The following OXR1 variants were observed in gnomAD, a reference collection of about 807,000 sequenced individuals.
OXR1 encodes oxidation resistance 1.
OXR1 carries 41 observed loss-of-function variants against 104.6 expected under a neutral mutation model. That is an observed-to-expected ratio of 0.39 (90% CI 0.31 to 0.51). The LOEUF (loss-of-function observed/expected upper bound fraction) is 0.51, where lower values mean the gene tolerates loss of function less well. Among genes scored for constraint, OXR1 ranks in the 20% least tolerant of loss-of-function variants. The pLI is 0.77. For missense variants in OXR1, 955 were observed against 1,031.9 expected, an observed-to-expected ratio of 0.93 and a Z score of 1.02; for synonymous variants, 348 against 348.4, an observed-to-expected ratio of 1.00 and a Z score of 0.01.
chr8:106,306,130 A>G (rs796177510), intron 1 of OXR1, among the ~76,000 whole-genome samples: 5 of 152,080 alleles, frequency 3.3e-5, no homozygotes, highest in African/African-American at 9.6e-5. Context: ...CATTAGTTTA[A>G]GTTGCACTGA....
At chr8:106,563,340 C>A (rs1816831174) in intron 3 of OXR1, among the ~76,000 whole-genome samples, 1 of 151,308 alleles carries the variant, frequency 6.6e-6, no homozygotes, top group Non-Finnish European at 1.5e-5. Context: ...GGTTGCTATC[C>A]TAGTCTCTGG....
intron 2 of OXR1, among the ~76,000 whole-genome samples, chr8:106,475,964 C>T (rs1821786119): frequency 6.7e-6 from 1 of 150,228 alleles, no homozygotes; most frequent in Non-Finnish European, 1.5e-5. Context: ...TAGAGTTGTG[C>T]ACACCCTCTG....
In OXR1 at chr8:106,379,256, G is replaced by C. The variant is rs72678542; in HGVS notation, c.23+19620G>C. 7.1e-3 allele frequency among the ~76,000 whole-genome samples: 1,083 copies of C among 152,252 alleles called. 6 individuals are homozygous for C. Among genetic ancestry groups the C allele is most frequent in the Non-Finnish European group, 0.012 (809 of 68,014 alleles). On this transcript the variant is annotated intron_variant, in intron 2 of 16. Transcript: ENST00000517566. ...GCATGTTCAAGTTTAAGAGCAGATG[G>C]TATAAAATTATCACTCTAGAGTCTA...
chr8:106,734,786 G>T (rs564238732), intron 11 of OXR1, among the ~76,000 whole-genome samples: 131 of 152,168 alleles, frequency 8.6e-4, no homozygotes, highest in Non-Finnish European at 1.6e-3. Flanking sequence ...CTTTGTCAAA[G>T]ACTGAAAAGA....
At chr8:106,681,563 C>T (rs1264292271) in intron 4 of OXR1, among the ~76,000 whole-genome samples, 1 of 152,042 alleles carries the variant, frequency 6.6e-6, no homozygotes, top group Middle Eastern at 3.4e-3. Flanking sequence ...CTTGCTTTGT[C>T]GCCCAGGCTG....
intron 3 of OXR1, among the ~76,000 whole-genome samples, chr8:106,645,634 A>T (rs1218730910): frequency 6.6e-6 from 1 of 152,152 alleles, no homozygotes; most frequent in Non-Finnish European, 1.5e-5. Context: ...TTGACCATCT[A>T]GGTTTGAATT....
At chr8:106,378,814 T>A (rs899334283) in intron 2 of OXR1, among the ~76,000 whole-genome samples, 1 of 152,164 alleles carries the variant, frequency 6.6e-6, no homozygotes, top group South Asian at 2.1e-4. Context: ...CGGCCTGATG[T>A]CTGACTTTCT....
chr8:106,733,826 AAAAAAAAAAAAAAAAG>A lies in OXR1; in HGVS notation c.1957-3689_1957-3674del, dbSNP rs1274319728. Among the ~76,000 whole-genome samples the A allele has an allele frequency of 2.1e-4, 5 of 24,158 alleles. No individual in the cohort carries two copies. In the East Asian group the frequency reaches 7.8e-3, roughly 38 times the overall value. The allele number at this position is 24,158 out of a possible 152,430, so 15.8% of individuals were successfully genotyped here. ...GAGTGACAGAGGGAGACTCCGTCTC[AAAAAAAAAAAAAAAAG>A]AAAAGAAAAAAAAAAGGATATGGGG... On this transcript the variant is annotated intron_variant, in intron 11 of 16. Coordinates refer to ENST00000517566, the MANE Select transcript of OXR1 (RefSeq NM_001198533.2).
At chr8:106,491,393 C>T (rs1386756984) in intron 2 of OXR1, among the ~76,000 whole-genome samples, 2 of 152,194 alleles carry the variant, frequency 1.3e-5, no homozygotes, top group Non-Finnish European at 2.9e-5. Flanking sequence ...TATACCCATA[C>T]ACCAGTGTGA....
chr8:106,681,127 T>TG (rs1828104455), intron 4 of OXR1, among the ~76,000 whole-genome samples: 1 of 152,240 alleles, frequency 6.6e-6, no homozygotes, highest in Admixed American at 6.5e-5. Context: ...TAATATGAGA[T>TG]GCCACTTGGG....
chr8:106,695,874 C>G (rs910087529), intron 7 of OXR1, among the ~76,000 whole-genome samples: 8 of 151,956 alleles, frequency 5.3e-5, no homozygotes, highest in African/African-American at 1.9e-4. Flanking sequence ...AAGAATTGAG[C>G]AGAAATTAGA....
At chr8:106,274,194 C>T (rs1056360913) in intron 1 of OXR1, among the ~76,000 whole-genome samples, 1 of 152,128 alleles carries the variant, frequency 6.6e-6, no homozygotes, top group Non-Finnish European at 1.5e-5. Flanking sequence ...CAGCATGGAG[C>T]GTATTGAGAA....
intron 3 of OXR1, among the ~76,000 whole-genome samples, chr8:106,591,445 T>A (rs199727659): frequency 2.0e-5 from 3 of 146,514 alleles, no homozygotes; most frequent in Non-Finnish European, 3.0e-5. Flanking sequence ...AAAGTATAAT[T>A]AAAAAAAAAA....
At chr8:106,281,184 C>A (rs1292355274) in intron 1 of OXR1, among the ~76,000 whole-genome samples, 2 of 152,100 alleles carry the variant, frequency 1.3e-5, no homozygotes, top group Non-Finnish European at 2.9e-5. Context: ...GAGGGAGGGG[C>A]AGAAAAGTTG....
intron 1 of OXR1, among the ~76,000 whole-genome samples, chr8:106,334,807 C>G (rs1266827363): frequency 2.0e-5 from 3 of 152,156 alleles, no homozygotes; most frequent in African/African-American, 4.8e-5. Context: ...TTCTTTCTGT[C>G]CTCCAGCTTA....
chr8:106,736,165 A>ACCCCCCCCCCC (rs5893803), intron 11 of OXR1, among the ~76,000 whole-genome samples: 1 of 145,608 alleles, frequency 6.9e-6, no homozygotes, highest in Non-Finnish European at 1.5e-5. Context: ...TTTATCTGAC[A>ACCCCCCCCCCC]CCCCCCCCCA....
chr8:106,689,997 T>A (rs1243166331), intron 6 of OXR1, among the ~76,000 whole-genome samples: 2 of 151,500 alleles, frequency 1.3e-5, no homozygotes, highest in Non-Finnish European at 3.0e-5. Context: ...CTTTTCTCTC[T>A]GTGCATATAT....
chr8:106,297,973 C>T (rs1040394357), intron 1 of OXR1, among the ~76,000 whole-genome samples: 1 of 152,142 alleles, frequency 6.6e-6, no homozygotes, highest in Non-Finnish European at 1.5e-5. Context: ...AAACTTTATC[C>T]TGTGGGAGGC....
At chr8:106,544,222 T>C (rs1815175191) in intron 3 of OXR1, among the ~76,000 whole-genome samples, 1 of 149,082 alleles carries the variant, frequency 6.7e-6, no homozygotes, top group Non-Finnish European at 1.5e-5. Context: ...TTTTTTTTTT[T>C]CATTTATAAG....
Sources: gnomAD v4.1 joint callset for allele counts (sites outside exome capture counted in the v4.1 genomes callset) on GRCh38, gnomAD v4.1.1 for gene constraint, MANE v1.5 for transcripts, NCBI Gene and HGNC (gene_info 2026-07-23, HGNC 2026-07-21) for gene names.